DOCK8: variants seen among roughly 807,000 people sequenced by gnomAD.
DOCK8 encodes the protein dedicator of cytokinesis 8, also known as dedicator of cytokinesis protein 8.
DOCK8 carries 141 observed loss-of-function variants against 245.6 expected under a neutral mutation model. The ratio of observed to expected loss-of-function variants is 0.57; its 90% CI spans 0.50 to 0.66. DOCK8 has a LOEUF of 0.66. Ranked by LOEUF, DOCK8 falls within the 30% of genes least tolerant of loss-of-function variation. DOCK8 has a pLI of 0.00. For synonymous variants in DOCK8, 1,168 were observed against 970.2 expected (o/e 1.20, Z -3.79); for missense variants, 2,965 against 2,603.4 (o/e 1.14, Z -3.02).
intron 6 of DOCK8, among the ~76,000 whole-genome samples, chr9:316,585 C>T (rs966921699): frequency 2.0e-5 from 3 of 152,134 alleles, no homozygotes; most frequent in Non-Finnish European, 4.4e-5. Flanking sequence ...ATTATAGGAT[C>T]AATGGTTTAC....
chr9:464,142 T>C lies in DOCK8; in HGVS notation c.6240-17T>C, dbSNP rs2057901020. 6.2e-7 allele frequency: 1 copy of C among 1,607,168 alleles called. No individual in the cohort carries two copies. Among genetic ancestry groups the C allele is most frequent in the Admixed American group, 1.7e-5 (1 of 60,006 alleles). On this transcript the variant is annotated splice_polypyrimidine_tract_variant and intron_variant, in intron 47 of 47. Transcript: ENST00000432829. The stretch of plus-strand genomic sequence containing the variant: ...ACGCTCTCTTTCCCTCTCCTCCCTC[T>C]CTTTTCTTAATTTCAGGGACTCCTT...
In DOCK8 at chr9:333,415, C is replaced by T. The variant is rs550456629; in HGVS notation, c.1126-810C>T. Among the ~76,000 whole-genome samples, 10 of 152,244 alleles carry T rather than the reference C, an allele frequency of 6.6e-5. No homozygotes were observed. In the East Asian group the frequency reaches 1.9e-3, roughly 29 times the overall value. On this transcript the variant is annotated intron_variant, in intron 10 of 47. Coordinates refer to ENST00000432829, the MANE Select transcript of DOCK8 (RefSeq NM_203447.4). ...AGAAGATTGAGACCATCCTGGCCAACACGGTGAAACCCCGTCTCTGCTAAA... is the reference window on the plus strand; with the variant it reads ...AGAAGATTGAGACCATCCTGGCCAATACGGTGAAACCCCGTCTCTGCTAAA...
intron 26 of DOCK8, among the ~76,000 whole-genome samples, chr9:403,882 CTCTCTCTCTCTATATATATATATA>C (rs2055236341): frequency 1.1e-5 from 1 of 89,698 alleles, no homozygotes; most frequent in African/African-American, 6.7e-5. Context: ...CTCTCTCTCT[CTCTCTCTCTCTATATATATATATA>C]TATATATATA....
intron 22 of DOCK8, among the ~76,000 whole-genome samples, chr9:384,618 T>C (rs767582068): frequency 2.5e-4 from 38 of 152,166 alleles, no homozygotes; most frequent in Non-Finnish European, 4.6e-4. Flanking sequence ...CCTGGGTCTT[T>C]TAAAAACACT....
chr9:445,865 C>G (rs1299494021), intron 43 of DOCK8, among the ~76,000 whole-genome samples: 1 of 152,222 alleles, frequency 6.6e-6, no homozygotes, highest in Non-Finnish European at 1.5e-5. Flanking sequence ...TGCAGTTTAA[C>G]TGCATAAGAG....
intron 1 of DOCK8, among the ~76,000 whole-genome samples, chr9:265,309 A>C (rs2048012099): frequency 6.6e-6 from 1 of 152,208 alleles, no homozygotes; most frequent in African/African-American, 2.4e-5. Context: ...GGTGTGTAAC[A>C]ACCTTTCACT....
rs554905175 is a variant in DOCK8, at chr9:304,320, C to G, written c.405-261C>G. On this transcript the variant is annotated intron_variant, in intron 4 of 47. Coordinates refer to ENST00000432829, the MANE Select transcript of DOCK8 (RefSeq NM_203447.4). ...CCAAATGCCCCACAGCTGAAATGAC[C>G]GCACCTCTGAAGTGGCATTTTCCCA... Among the ~76,000 whole-genome samples the G allele has an allele frequency of 2.6e-5, 4 of 152,252 alleles. No homozygotes were observed. The East Asian group carries it at 5.8e-4, about 22-fold the overall frequency.
At chr9:262,840 A>G (rs958665820) in intron 1 of DOCK8, among the ~76,000 whole-genome samples, 2 of 152,014 alleles carry the variant, frequency 1.3e-5, no homozygotes, top group Non-Finnish European at 2.9e-5. Flanking sequence ...TGCTTCTTAT[A>G]AGTAACAATT....
chr9:230,399 C>G (rs1476805947), intron 1 of DOCK8, among the ~76,000 whole-genome samples: 1 of 152,092 alleles, frequency 6.6e-6, no homozygotes, highest in Non-Finnish European at 1.5e-5. Flanking sequence ...GATTTATAGT[C>G]CTTTGGGAAT....
intron 10 of DOCK8, among the ~76,000 whole-genome samples, chr9:333,405 T>A (rs148554649): frequency 7.9e-5 from 12 of 152,114 alleles, no homozygotes; most frequent in East Asian, 7.7e-4. Flanking sequence ...ATTGAGACCA[T>A]CCTGGCCAAC....
chr9:439,288 A>T lies in DOCK8; in HGVS notation c.5123A>T (p.Asp1708Val), dbSNP rs773583115. The T allele has an allele frequency of 2.5e-6, 4 of 1,613,888 alleles. No individual in the cohort carries two copies. The African/African-American group carries it at 4.0e-5, about 16-fold the overall frequency. ...NVLEESVVSE[D>V]TLSPDEDGVC... is the part of the protein sequence containing the mutation. ...CTGGAGGAGTCTGTGGTCTCTGAGG[A>T]CACCCTGTCACCTGACGAGGATGGG... The change falls in exon 40 of 48, where the codon GAC becomes GTC. Residue 1708 changes from aspartate (D) to valine (V), a missense_variant. Around this residue, in one of 3 missense-constraint regions of DOCK8, gnomAD observed 2,825 missense variants for 2,453.5 expected, o/e 1.15. Coordinates refer to ENST00000432829, the MANE Select transcript of DOCK8 (RefSeq NM_203447.4).
At chr9:403,933 T>C (rs1254165699) in intron 26 of DOCK8, among the ~76,000 whole-genome samples, 11 of 71,480 alleles carry the variant, frequency 1.5e-4, no homozygotes, top group Non-Finnish European at 2.4e-4. Context: ...TATATATGTG[T>C]ATATATATAT....
chr9:443,337 A>T (rs1250117244), intron 42 of DOCK8, 90 bp from the exon 43 acceptor site: 1 of 1,232,318 alleles, frequency 8.1e-7, no homozygotes, highest in Non-Finnish European at 1.2e-6. Context: ...TCTACCTTGC[A>T]CTTGCTCCAA....
intron 1 of DOCK8, 39 bp downstream of exon 1, chr9:215,068 A>G (rs1297585770): frequency 6.5e-7 from 1 of 1,545,160 alleles, no homozygotes; most frequent in East Asian, 2.5e-5. Context: ...GCGGCCGGAC[A>G]GCCCAGCGCT....
chr9:444,026 A>G (rs1000841275), intron 43 of DOCK8, among the ~76,000 whole-genome samples: 1 of 152,172 alleles, frequency 6.6e-6, no homozygotes, highest in Non-Finnish European at 1.5e-5. Context: ...GGCTGCAAGT[A>G]TTCCTTCCAT....
At chr9:214,531 C>T (rs747821121), upstream of DOCK8, 5 of 1,613,532 alleles carry the variant, frequency 3.1e-6, no homozygotes, top group Admixed American at 8.3e-5. Flanking sequence ...GGGGTGATTC[C>T]CGACCTCGCC....
rs555542193 is a variant in DOCK8 at position 307,329 on chromosome 9, G to T, written c.528+2625G>T. 1.0e-3 allele frequency among the ~76,000 whole-genome samples: 76 copies of T among 75,138 alleles called. No individual in the cohort carries two copies. The East Asian group carries it at 0.026, about 26-fold the overall frequency. The allele number at this position is 75,138 out of a possible 152,430, so 49.3% of individuals were successfully genotyped here. ...AACTCAAGTCACTGTGTTGTGTGTG[G>T]TTTTTTTTGTTTTTTTTTTTTTTTT... On this transcript the variant is annotated intron_variant, in intron 5 of 47. Transcript: ENST00000432829.
chr9:424,489 A>C (rs1365607555), intron 33 of DOCK8, among the ~76,000 whole-genome samples: 1 of 151,880 alleles, frequency 6.6e-6, no homozygotes, highest in Non-Finnish European at 1.5e-5. Flanking sequence ...AGCTCACTGC[A>C]GCCTTACCCT....
At chr9:386,553 CA>C (rs2131326383) in intron 23 of DOCK8, 127 bp downstream of exon 23, 119 of 763,292 alleles carry the variant, frequency 1.6e-4, no homozygotes, top group Non-Finnish European at 2.1e-4. Flanking sequence ...AACACACACA[CA>C]CCCCACACAC....
Sources: allele counts gnomAD v4.1 joint callset (sites outside exome capture counted in the v4.1 genomes callset), GRCh38; gene constraint gnomAD v4.1.1; regional missense constraint gnomAD v4.1.1; transcripts MANE v1.5; gene names NCBI Gene and HGNC (gene_info 2026-07-23, HGNC 2026-07-21).